Variants in CR1 observed in about 807,000 individuals in gnomAD.
The protein encoded by CR1 is complement receptor type 1.
Under a neutral mutation model 187.3 loss-of-function variants are expected in CR1, and 116 were observed. The ratio of observed to expected loss-of-function variants is 0.62; its 90% CI spans 0.53 to 0.72. The LOEUF (loss-of-function observed/expected upper bound fraction) is 0.72, where lower values mean the gene tolerates loss of function less well. Ranked by LOEUF, CR1 falls within the 30% of genes least tolerant of loss-of-function variation. The pLI is 0.00. For synonymous variants in CR1, 576 were observed against 747.1 expected (o/e 0.77, Z 3.73); for missense variants, 1,731 against 2,110.7 (o/e 0.82, Z 3.52).
chr1:207,506,875 C>T, intron 3 of CR1, 62 bp downstream of exon 3: 1 of 1,325,616 alleles, frequency 7.5e-7, no homozygotes, highest in Non-Finnish European at 1.1e-6. Context: ...AGCCTTACTA[C>T]CTTCTAGTCA....
At chr1:207,613,435 G>A (rs111393278) in intron 39 of CR1, among the ~76,000 whole-genome samples, 1,668 of 152,262 alleles carry the variant, frequency 0.011, 20 homozygotes, top group Admixed American at 0.016. Flanking sequence ...AATGAACAGT[G>A]AGGATCAATC....
intron 46 of CR1, among the ~76,000 whole-genome samples, chr1:207,630,849 C>T (rs1254240267): frequency 6.6e-6 from 1 of 151,940 alleles, no homozygotes; most frequent in Non-Finnish European, 1.5e-5. Flanking sequence ...ACTACTTTTT[C>T]AAAGCATTCC....
intron 27 of CR1, among the ~76,000 whole-genome samples, chr1:207,575,202 TACAC>T (rs56173301): frequency 0.071 from 10,654 of 149,380 alleles, 1,176 homozygotes; most frequent in African/African-American, 0.24. Context: ...CATAGTATTA[TACAC>T]ACACACACAC....
intron 35 of CR1, among the ~76,000 whole-genome samples, chr1:207,593,636 G>A (rs1661343471): frequency 1.3e-5 from 2 of 152,178 alleles, no homozygotes; most frequent in African/African-American, 4.8e-5. Context: ...AAGAGCTTCT[G>A]CACAGCAAGA....
chr1:207,592,053 CA>C (rs1661287830), intron 35 of CR1, among the ~76,000 whole-genome samples: 1 of 152,118 alleles, frequency 6.6e-6, no homozygotes, highest in Non-Finnish European at 1.5e-5. Context: ...TAAACTATTC[CA>C]AACAATAGAA....
At chr1:207,615,759 C>T (rs1662073159) in intron 40 of CR1, among the ~76,000 whole-genome samples, 1 of 152,142 alleles carries the variant, frequency 6.6e-6, no homozygotes, top group South Asian at 2.1e-4. Context: ...ATTCAACAAA[C>T]TCAACCTTAC....
intron 44 of CR1, 45 bp downstream of exon 44, chr1:207,622,041 C>G: frequency 1.4e-6 from 2 of 1,468,666 alleles, no homozygotes; most frequent in Non-Finnish European, 9.4e-7. Flanking sequence ...GCATCTATAA[C>G]AGTAAGTACC....
intron 46 of CR1, among the ~76,000 whole-genome samples, chr1:207,634,499 A>T (rs998126809): frequency 2.8e-4 from 43 of 152,268 alleles, no homozygotes; most frequent in African/African-American, 9.6e-4. Flanking sequence ...CTCCAAAGAC[A>T]TAGCTGTGTG....
intron 27 of CR1, among the ~76,000 whole-genome samples, chr1:207,573,672 T>C (rs1429092115): frequency 6.6e-6 from 1 of 152,126 alleles, no homozygotes; most frequent in Non-Finnish European, 1.5e-5. Context: ...AAACTAGCCA[T>C]GAAGTGTGTA....
At chr1:207,576,877 A>T (rs1027193063) in intron 28 of CR1, among the ~76,000 whole-genome samples, 1 of 152,202 alleles carries the variant, frequency 6.6e-6, no homozygotes, top group African/African-American at 2.4e-5. Context: ...CATAAAGGCA[A>T]ATGCCTTCTA....
intron 46 of CR1, 145 bp downstream of exon 46, chr1:207,630,766 T>A (rs1662618596): frequency 3.9e-6 from 2 of 517,830 alleles, no homozygotes; most frequent in East Asian, 6.5e-5. Flanking sequence ...AACTTCTTTT[T>A]TTTTTATTGG....
intron 45 of CR1, among the ~76,000 whole-genome samples, chr1:207,623,585 AAAACACACACACACAC>A (rs1558277047): frequency 7.6e-6 from 1 of 132,082 alleles, no homozygotes; most frequent in Non-Finnish European, 1.6e-5. Flanking sequence ...ACTACATCTC[AAAACACACACACACAC>A]ACACACACAC....
At position 207,612,010 on chromosome 1, in the gene CR1, G is replaced by T; in HGVS notation, c.6544G>T (p.Gly2182Trp). The T allele has an allele frequency of 6.2e-7, 1 of 1,614,030 alleles. No homozygotes were observed. Among genetic ancestry groups the T allele is most frequent in the African/African-American group, 1.3e-5 (1 of 75,046 alleles). Residue 2182 changes from glycine (G) to tryptophan (W), a missense_variant, in exon 39 of 47, where the codon GGG becomes TGG. Around this residue, in one of 5 missense-constraint regions of CR1, gnomAD observed 1,312 missense variants for 1,379.6 expected, o/e 0.95. Transcript: ENST00000367049. Reference sequence around the variant, plus strand: ...GCTACTTCCACTTAATCTCCAGCTTGGGGCAAAGGTGTCCTTTGTTTGCGA... The same window carrying T: ...GCTACTTCCACTTAATCTCCAGCTTTGGGCAAAGGTGTCCTTTGTTTGCGA... ...RVLLPLNLQL[G>W]AKVSFVCDEG...
chr1:207,521,807 A>AATAT (rs3991753), intron 4 of CR1, among the ~76,000 whole-genome samples: 20 of 132,862 alleles, frequency 1.5e-4, no homozygotes, highest in African/African-American at 4.2e-4. Context: ...ACATCTGGAT[A>AATAT]ATATATATAT....
chr1:207,497,477 T>C (rs1447621923), intron 1 of CR1, among the ~76,000 whole-genome samples: 1 of 152,216 alleles, frequency 6.6e-6, no homozygotes, highest in African/African-American at 2.4e-5. Context: ...ACATTTTACA[T>C]TCATTATTTG....
chr1:207,522,852 T>A (rs935744574), intron 4 of CR1, among the ~76,000 whole-genome samples: 3 of 152,250 alleles, frequency 2.0e-5, no homozygotes, highest in Non-Finnish European at 2.9e-5. Context: ...GAAATTTTGT[T>A]CTAGTTTATA....
chr1:207,635,378 G>A (rs55830735), intron 46 of CR1, among the ~76,000 whole-genome samples: 91 of 152,240 alleles, frequency 6.0e-4, no homozygotes, highest in African/African-American at 2.1e-3. Context: ...CGTGAACAAA[G>A]GTCTCGGCAT....
chr1:207,616,662 C>G lies in CR1; in HGVS notation c.6749C>G (p.Ser2250Cys). 1.9e-6 allele frequency: 3 copies of G among 1,613,918 alleles called. No individual in the cohort carries two copies. The highest frequency in any genetic ancestry group is 2.5e-6 in the Non-Finnish European group (3 of 1,179,856). Residue 2250 changes from serine (S) to cysteine (C), a missense_variant, in exon 41 of 47, where the codon TCT becomes TGT. Ser to Cys is a moderately radical substitution (Grantham distance 112). Coordinates refer to ENST00000367049, the MANE Select transcript of CR1 (RefSeq NM_000651.6). ...FGDIPYGKEI[S>C]YACDTHPDRG... Reference sequence around the variant, plus strand: ...GATATTCCCTATGGAAAAGAAATATCTTACGCATGCGACACCCACCCAGAC... The same window carrying G: ...GATATTCCCTATGGAAAAGAAATATGTTACGCATGCGACACCCACCCAGAC...
At chr1:207,505,775 G>A in intron 1 of CR1, 129 bp from the exon 2 acceptor site, 3 of 980,794 alleles carry the variant, frequency 3.1e-6, no homozygotes, top group South Asian at 3.4e-5. Flanking sequence ...GGCGGAGGTT[G>A]CAGTGAGCCA....
Sources: allele counts gnomAD v4.1 joint callset (sites outside exome capture counted in the v4.1 genomes callset), GRCh38; gene constraint gnomAD v4.1.1; regional missense constraint gnomAD v4.1.1; transcripts MANE v1.5; gene names NCBI Gene and HGNC (gene_info 2026-07-23, HGNC 2026-07-21).